Variants in ERMARD observed in about 807,000 individuals in gnomAD.
The protein encoded by ERMARD is endoplasmic reticulum membrane-associated RNA degradation protein.
In ERMARD, 71 loss-of-function variants were observed where a neutral mutation model predicts 83.9. The ratio of observed to expected loss-of-function variants is 0.85; its 90% CI spans 0.70 to 1.03. The LOEUF (loss-of-function observed/expected upper bound fraction) is 1.03, where lower values mean the gene tolerates loss of function less well. ERMARD is among the 50% of genes least tolerant of loss of function. The probability of loss-of-function intolerance (pLI) is 0.00; values close to 1 mark genes in which losing one functional copy is unlikely to be tolerated. For missense variants in ERMARD, 838 were observed against 810.9 expected (o/e 1.03, Z -0.41); for synonymous variants, 284 against 298.6 (o/e 0.95, Z 0.50).
At chr6:169,762,751 C>T (rs1297665993) in intron 9 of ERMARD, among the ~76,000 whole-genome samples, 3 of 152,108 alleles carry the variant, frequency 2.0e-5, no homozygotes, top group African/African-American at 7.2e-5. Flanking sequence ...CTTTAAAACT[C>T]AATGATACCG....
rs780287929 is a variant in ERMARD at position 169,776,677 on chromosome 6, C to T, written c.1739+4C>T. On this transcript the variant is annotated splice_donor_region_variant and intron_variant, in intron 16 of 17. Transcript: ENST00000366773. Reference sequence around the variant, plus strand: ...ACTACCTGCGTATGTGGAGTAGGTGCGCGCTCACTTTCCTGTTTTGGAGGG... The same window carrying T: ...ACTACCTGCGTATGTGGAGTAGGTGTGCGCTCACTTTCCTGTTTTGGAGGG... The T allele has an allele frequency of 1.1e-5, 18 of 1,612,816 alleles. No individual in the cohort carries two copies. The highest frequency in any genetic ancestry group is 8.9e-5 in the East Asian group (4 of 44,890).
intron 17 of ERMARD, among the ~76,000 whole-genome samples, chr6:169,780,620 T>C (rs7761105): frequency 0.32 from 48,673 of 151,910 alleles, 9,369 homozygotes; most frequent in African/African-American, 0.54. Context: ...GGGATGGAAA[T>C]TGGATGTGTG....
chr6:169,759,076 A>G lies in ERMARD; in HGVS notation c.605+11A>G, dbSNP rs1001095407. On this transcript the variant is annotated intron_variant, in intron 6 of 17. Coordinates refer to ENST00000366773, the MANE Select transcript of ERMARD (RefSeq NM_018341.3). ...AGAAATTCCTCCAAAGTAAGTTGCA[A>G]GTGAAGACATTTTCTTCCTTTTTTG... The G allele has an allele frequency of 6.2e-7, 1 of 1,606,660 alleles. No homozygotes were observed. Among genetic ancestry groups the G allele is most frequent in the African/African-American group, 1.3e-5 (1 of 74,632 alleles).
chr6:169,752,107 T>C (rs1790194828), intron 1 of ERMARD, among the ~76,000 whole-genome samples: 1 of 152,184 alleles, frequency 6.6e-6, no homozygotes, highest in Non-Finnish European at 1.5e-5. Flanking sequence ...TGTGGTCCCA[T>C]CTACTCCGTA....
chr6:169,757,077 A>G (rs1338929576), intron 5 of ERMARD, among the ~76,000 whole-genome samples: 1 of 152,200 alleles, frequency 6.6e-6, no homozygotes, highest in Non-Finnish European at 1.5e-5. Context: ...AGCACGGGAA[A>G]GACCGGTCCC....
chr6:169,780,816 G>T (rs1355230022), intron 17 of ERMARD, among the ~76,000 whole-genome samples: 2 of 152,080 alleles, frequency 1.3e-5, no homozygotes, highest in African/African-American at 4.8e-5. Context: ...TGCAAACACA[G>T]ATTGAAATTA....
rs1563013643 is a variant in ERMARD, at chr6:169,759,063, AAAGT to A, written c.605+3_605+6del. 1 of 1,613,218 alleles carries A rather than the reference AAAGT, an allele frequency of 6.2e-7. No individual in the cohort carries two copies. The highest frequency in any genetic ancestry group is 8.5e-7 in the Non-Finnish European group (1 of 1,179,568). On this transcript the variant is annotated splice_donor_variant and coding_sequence_variant, in exon 6 of 18. Coordinates refer to ENST00000366773, the MANE Select transcript of ERMARD (RefSeq NM_018341.3). LOFTEE classifies it high-confidence loss of function. ...TTGCGTCACCTGAAGAAATTCCTCC[AAAGT>A]AAGTTGCAAGTGAAGACATTTTCTT...
chr6:169,781,592 T>A lies in ERMARD; in HGVS notation c.*79T>A. 1 of 1,346,286 alleles carries A rather than the reference T, an allele frequency of 7.4e-7. No homozygotes were observed. The highest frequency in any genetic ancestry group is 2.7e-5 in the Admixed American group (1 of 36,966). 83.4% of individuals were successfully genotyped at this position (1,346,286 alleles called of 1,614,324 possible). Reference sequence around the variant, plus strand: ...TTAAAAACCCAAAGACAGGGTGGAGTTGAGGGTCTGCTTGGCCAGGGTCCA... The same window carrying A: ...TTAAAAACCCAAAGACAGGGTGGAGATGAGGGTCTGCTTGGCCAGGGTCCA... On this transcript the variant is annotated 3_prime_UTR_variant, in exon 18 of 18. Coordinates refer to ENST00000366773, the MANE Select transcript of ERMARD (RefSeq NM_018341.3).
At chr6:169,776,801 T>G (rs1167576346) in intron 16 of ERMARD, 128 bp downstream of exon 16, 1 of 1,099,328 alleles carries the variant, frequency 9.1e-7, no homozygotes, top group Non-Finnish European at 1.3e-6. Context: ...GGTGTTGATA[T>G]ACTTGGAGTC....
intron 15 of ERMARD, 165 bp downstream of exon 15, chr6:169,776,230 G>C: frequency 6.6e-7 from 1 of 1,522,418 alleles, no homozygotes; most frequent in Non-Finnish European, 8.9e-7. Flanking sequence ...GACAATCTCT[G>C]TGCAAGCTTG....
intron 1 of ERMARD, 134 bp downstream of exon 1, chr6:169,751,797 G>A: frequency 5.4e-6 from 7 of 1,295,464 alleles, no homozygotes; most frequent in Non-Finnish European, 7.1e-6. Flanking sequence ...GCTGGAGGGC[G>A]CTGGCGACGT....
chr6:169,779,827 A>G (rs533414011), intron 17 of ERMARD, among the ~76,000 whole-genome samples: 1 of 152,334 alleles, frequency 6.6e-6, no homozygotes, highest in East Asian at 1.9e-4. Context: ...GTCCACTTTT[A>G]GGACCATCCC....
intron 16 of ERMARD, among the ~76,000 whole-genome samples, chr6:169,778,146 C>T (rs944243696): frequency 4.6e-5 from 7 of 152,196 alleles, no homozygotes; most frequent in South Asian, 2.1e-4. Flanking sequence ...AAACCCATGC[C>T]GAACCCATAA....
At position 169,757,751 on chromosome 6, in the gene ERMARD, C is replaced by T. The variant is rs1357512554; in HGVS notation, c.507+943C>T. Reference sequence around the variant, plus strand: ...TGATTTTTGGAGTAAAGAAATCTGTCTTCAGTGGAGCTTTTCCATTCTTTT... The same window carrying T: ...TGATTTTTGGAGTAAAGAAATCTGTTTTCAGTGGAGCTTTTCCATTCTTTT... On this transcript the variant is annotated intron_variant, in intron 5 of 17. Coordinates refer to ENST00000366773, the MANE Select transcript of ERMARD (RefSeq NM_018341.3). Among the ~76,000 whole-genome samples the T allele has an allele frequency of 2.6e-5, 4 of 152,312 alleles. No homozygotes were observed. In the East Asian group the frequency reaches 7.7e-4, roughly 29 times the overall value.
intron 15 of ERMARD, 182 bp downstream of exon 15, chr6:169,776,247 C>G: frequency 2.0e-6 from 3 of 1,532,946 alleles, no homozygotes; most frequent in Non-Finnish European, 2.7e-6. Flanking sequence ...CTTGGCACAT[C>G]TGATGAGGCT....
At chr6:169,760,067 G>C (rs1791342258) in intron 7 of ERMARD, 93 bp downstream of exon 7, 23 of 1,557,804 alleles carry the variant, frequency 1.5e-5, no homozygotes, top group Non-Finnish European at 1.9e-5. Flanking sequence ...TTGAGGTGGG[G>C]TGAAGTAGTT....
At chr6:169,755,892 G>A (rs879178929) in intron 3 of ERMARD, among the ~76,000 whole-genome samples, 1 of 151,990 alleles carries the variant, frequency 6.6e-6, no homozygotes, top group Admixed American at 6.6e-5. Context: ...ATTTTATTTG[G>A]CACACTAAAT....
At chr6:169,775,236 A>T (rs1382692199) in intron 13 of ERMARD, 34 bp from the exon 14 acceptor site, 8 of 1,606,302 alleles carry the variant, frequency 5.0e-6, no homozygotes, top group Non-Finnish European at 6.8e-6. Flanking sequence ...AGTTACTGTG[A>T]AATCTACAAA....
At chr6:169,772,245 C>CT (rs1255642962) in intron 12 of ERMARD, among the ~76,000 whole-genome samples, 1 of 152,216 alleles carries the variant, frequency 6.6e-6, no homozygotes, top group Non-Finnish European at 1.5e-5. Context: ...GGGTTCACAT[C>CT]TTGGAACAGA....
Sources: gnomAD v4.1 joint callset for allele counts (sites outside exome capture counted in the v4.1 genomes callset) on GRCh38, gnomAD v4.1.1 for gene constraint, MANE v1.5 for transcripts, NCBI Gene and HGNC (gene_info 2026-07-23, HGNC 2026-07-21) for gene names.